Variants in BCCIP observed in about 807,000 individuals in gnomAD.
BCCIP encodes the protein BRCA2 and CDKN1A-interacting protein.
BCCIP carries 23 observed loss-of-function variants against 32.8 expected under a neutral mutation model. That is an observed-to-expected ratio of 0.70 (90% confidence interval 0.51 to 0.99). The LOEUF (loss-of-function observed/expected upper bound fraction) is 0.99, where lower values mean the gene tolerates loss of function less well. BCCIP is among the 50% of genes least tolerant of loss of function. BCCIP has a pLI of 0.00. For missense variants in BCCIP, 378 were observed against 379.8 expected (o/e 1.00, Z 0.04); for synonymous variants, 144 against 137.6 (o/e 1.05, Z -0.33).
At chr10:125,827,118 T>C (rs1854412708) in intron 2 of BCCIP, among the ~76,000 whole-genome samples, 2 of 151,954 alleles carry the variant, frequency 1.3e-5, no homozygotes. Context: ...ATCTGCTAAT[T>C]AGAGTTATTT....
intron 5 of BCCIP, 54 bp downstream of exon 5, chr10:125,831,661 T>G: frequency 1.3e-6 from 2 of 1,505,518 alleles, no homozygotes; most frequent in South Asian, 2.4e-5. Flanking sequence ...TCAAATAGAT[T>G]CCTAAATGTC....
At chr10:125,833,539 C>G (rs1239492953) in intron 5 of BCCIP, among the ~76,000 whole-genome samples, 2 of 151,398 alleles carry the variant, frequency 1.3e-5, no homozygotes, top group Admixed American at 1.4e-4. Flanking sequence ...TATATATCCA[C>G]AAATCAGCAT....
chr10:125,841,899 C>CT (rs1854890110), exon 7 of BCCIP: 3 of 1,606,586 alleles, frequency 1.9e-6, no homozygotes, highest in South Asian at 1.1e-5. Flanking sequence ...GCCAGATAAT[C>CT]TAAGTCTTCC....
chr10:125,851,947 G>GA (rs1292799877), intron 7 of BCCIP, among the ~76,000 whole-genome samples: 1 of 140,414 alleles, frequency 7.1e-6, no homozygotes, highest in African/African-American at 2.6e-5. Context: ...AAAAAGAAAA[G>GA]AAAAAAGGAC....
At chr10:125,838,451 G>T, downstream of BCCIP, 1 of 1,398,544 alleles carries the variant, frequency 7.2e-7, no homozygotes, top group Non-Finnish European at 9.5e-7. Flanking sequence ...ATACAAAGAT[G>T]TTTGTTGAAA....
At chr10:125,839,181 C>A (rs760289487), downstream of BCCIP, 9 of 1,614,032 alleles carry the variant, frequency 5.6e-6, no homozygotes, top group African/African-American at 1.2e-4. Flanking sequence ...ACCACTTTTC[C>A]ACACAGTCTA....
rs761988942 is a variant in BCCIP, at chr10:125,827,540, AT to A, written c.241-12del. On this transcript the variant is annotated splice_polypyrimidine_tract_variant and intron_variant, in intron 2 of 6. Coordinates refer to ENST00000278100, the MANE Select transcript of BCCIP (RefSeq NM_078468.3). ...CATGCTTTGATCTTAATTTAAAATAATTTTTTCCTCCTTTTAGCTTTTTCTA... is the reference window on the plus strand; with the variant it reads ...CATGCTTTGATCTTAATTTAAAATAATTTTTCCTCCTTTTAGCTTTTTCTA... The A allele has an allele frequency of 1.3e-6, 2 of 1,536,206 alleles. No individual in the cohort carries two copies. The highest frequency in any genetic ancestry group is 2.3e-5 in the East Asian group (1 of 44,386).
chr10:125,828,040 A>G (rs1854444129), intron 3 of BCCIP, among the ~76,000 whole-genome samples: 1 of 151,728 alleles, frequency 6.6e-6, no homozygotes, highest in Non-Finnish European at 1.5e-5. Flanking sequence ...TACTGGAGGA[A>G]TGGAGACTGA....
chr10:125,826,643 G>A lies in BCCIP; in HGVS notation c.218G>A (p.Gly73Glu). 6.2e-7 allele frequency: 1 copy of A among 1,613,344 alleles called. No homozygotes were observed. Among genetic ancestry groups the A allele is most frequent in the Non-Finnish European group, 8.5e-7 (1 of 1,179,706 alleles). ...AYSLSDNDYD[G>E]IKKLLQQLFL... Reference sequence around the variant, plus strand: ...TCCCTATCAGATAATGATTATGACGGAATTAAGAAATTACTGCAGCAGGTA... The same window carrying A: ...TCCCTATCAGATAATGATTATGACGAAATTAAGAAATTACTGCAGCAGGTA... The change falls in exon 2 of 7, where the codon GGA becomes GAA. Residue 73 changes from glycine (G) to glutamate (E), a missense_variant. Physicochemically the swap from Gly to Glu is moderately conservative, Grantham distance 98 (BLOSUM62 -2). Coordinates refer to ENST00000278100, the MANE Select transcript of BCCIP (RefSeq NM_078468.3).
intron 1 of BCCIP, among the ~76,000 whole-genome samples, chr10:125,824,734 C>T (rs1057233468): frequency 1.0e-5 from 1 of 97,450 alleles, no homozygotes; most frequent in African/African-American, 3.7e-5. Context: ...ACTCCACTTA[C>T]AGTCAGAGAG....
intron 3 of BCCIP, 66 bp downstream of exon 3, chr10:125,827,704 CCATGCTTGTAATCCCAG>C: frequency 8.0e-7 from 1 of 1,253,116 alleles, no homozygotes; most frequent in East Asian, 2.4e-5. Flanking sequence ...CTGGGCCTCA[CCATGCTTGTAATCCCAG>C]CACTTTGGGA....
intron 7 of BCCIP, among the ~76,000 whole-genome samples, chr10:125,848,504 T>C (rs1285417354): frequency 6.6e-6 from 1 of 152,162 alleles, no homozygotes; most frequent in African/African-American, 2.4e-5. Flanking sequence ...AAAGTGAGGT[T>C]TTGAACTTGG....
At chr10:125,850,007 C>A (rs369036323) in intron 7 of BCCIP, among the ~76,000 whole-genome samples, 80 of 152,162 alleles carry the variant, frequency 5.3e-4, no homozygotes, top group African/African-American at 1.9e-3. Flanking sequence ...TGCTCTGTCA[C>A]CCTGTCTGAA....
exon 7 of BCCIP, chr10:125,841,680 C>T (rs1055792808): frequency 3.3e-5 from 52 of 1,561,620 alleles, no homozygotes; most frequent in East Asian, 2.7e-4. Flanking sequence ...CAAATGGATC[C>T]GATCTAAATC....
rs1189845086 is a variant in BCCIP at position 125,826,591 on chromosome 10, G to A, written c.166G>A (p.Glu56Lys). Reference sequence around the variant, plus strand: ...CAACTATTTTGTGTGTTATTTACAGGAAGTGAATATTGAATTTGAAGCTTA... The same window carrying A: ...CAACTATTTTGTGTGTTATTTACAGAAAGTGAATATTGAATTTGAAGCTTA... ...KDEEDEVIDE[E>K]VNIEFEAYSL... The change falls in exon 2 of 7, where the codon GAA becomes AAA. Residue 56 changes from glutamate (E) to lysine (K), a missense_variant and splice_region_variant. Physicochemically the swap from Glu to Lys is moderately conservative, Grantham distance 56 (BLOSUM62 1). Coordinates refer to ENST00000278100, the MANE Select transcript of BCCIP (RefSeq NM_078468.3). The A allele has an allele frequency of 6.2e-7, 1 of 1,613,328 alleles. No homozygotes were observed. The highest frequency in any genetic ancestry group is 1.7e-5 in the Admixed American group (1 of 59,942).
At chr10:125,840,019 A>C (rs1854826768), downstream of BCCIP, among the ~76,000 whole-genome samples, 1 of 152,164 alleles carries the variant, frequency 6.6e-6, no homozygotes, top group Admixed American at 6.5e-5. Context: ...TTCTTTATAC[A>C]ATTCTGTCTT....
chr10:125,841,704 G>A (rs372817769), exon 7 of BCCIP: 3 of 1,592,330 alleles, frequency 1.9e-6, no homozygotes, highest in Non-Finnish European at 1.7e-6. Flanking sequence ...ACCTAGTGCA[G>A]ATTTGCAAAA....
intron 4 of BCCIP, 105 bp from the exon 5 acceptor site, chr10:125,831,315 A>G (rs1590053654): frequency 8.9e-7 from 1 of 1,125,556 alleles, no homozygotes; most frequent in Non-Finnish European, 1.3e-6. Context: ...CTATGGCAGG[A>G]AACTGCCCTT....
chr10:125,845,274 T>C (rs1336281387), downstream of BCCIP, among the ~76,000 whole-genome samples: 1 of 152,218 alleles, frequency 6.6e-6, no homozygotes, highest in African/African-American at 2.4e-5. Flanking sequence ...ACTCAGGTGC[T>C]CAGGAGGCTT....
Sources: gnomAD v4.1 joint callset for allele counts (sites outside exome capture counted in the v4.1 genomes callset) on GRCh38, gnomAD v4.1.1 for gene constraint, MANE v1.5 for transcripts, NCBI Gene and HGNC (gene_info 2026-07-23, HGNC 2026-07-21) for gene names.